DST: variants seen among roughly 807,000 people sequenced by gnomAD.
DST encodes dystonin, also known as bullous pemphigoid antigen.
In DST, 253 loss-of-function variants were observed where a neutral mutation model predicts 875.2. The observed-to-expected ratio is 0.29, with a 90% CI of 0.26 to 0.32. The LOEUF is 0.32. DST is among the 10% of genes least tolerant of loss of function. The pLI is 1.00. For synonymous variants in DST, 3,124 were observed against 3,197.1 expected, an observed-to-expected ratio of 0.98 and a Z score of 0.77; for missense variants, 8,287 against 9,111.6, an observed-to-expected ratio of 0.91 and a Z score of 3.68.
At chr6:56,793,684 T>C (rs1189164769) in intron 4 of DST, among the ~76,000 whole-genome samples, 1 of 152,216 alleles carries the variant, frequency 6.6e-6, no homozygotes, top group Non-Finnish European at 1.5e-5. Flanking sequence ...TGCATGAACA[T>C]GCAGTGAAGA....
At chr6:56,757,167 G>T (rs1189290005) in intron 4 of DST, among the ~76,000 whole-genome samples, 1 of 152,154 alleles carries the variant, frequency 6.6e-6, no homozygotes, top group Non-Finnish European at 1.5e-5. Context: ...GTGACAGATG[G>T]CCCTATTATG....
At chr6:56,796,191 TAAC>T (rs1261465969) in intron 4 of DST, among the ~76,000 whole-genome samples, 1 of 152,108 alleles carries the variant, frequency 6.6e-6, no homozygotes, top group African/African-American at 2.4e-5. Context: ...AAAATAACGT[TAAC>T]AACTGGGGGT....
intron 65 of DST, 27 bp downstream of exon 65, chr6:56,529,947 C>T: frequency 6.2e-7 from 1 of 1,608,314 alleles, no homozygotes; most frequent in Admixed American, 1.7e-5. Flanking sequence ...AAAACTGAAC[C>T]TCGCTAATGT....
At chr6:56,804,580 A>C (rs2099750996) in intron 4 of DST, among the ~76,000 whole-genome samples, 1 of 152,142 alleles carries the variant, frequency 6.6e-6, no homozygotes, top group South Asian at 2.1e-4. Context: ...GCAATAGTAC[A>C]TTTTTTAAGG....
chr6:56,518,210 A>G (rs370005869), intron 69 of DST, among the ~76,000 whole-genome samples: 1 of 152,184 alleles, frequency 6.6e-6, no homozygotes, highest in African/African-American at 2.4e-5. Context: ...GCATTCTTAA[A>G]TATTTTAATA....
chr6:56,928,857 C>T (rs987704349), intron 2 of DST, among the ~76,000 whole-genome samples: 1 of 151,526 alleles, frequency 6.6e-6, no homozygotes, highest in African/African-American at 2.4e-5. Flanking sequence ...TATACTTTTA[C>T]AAGAAATATG....
At chr6:56,631,770 C>G in intron 29 of DST, 113 bp downstream of exon 29, 1 of 954,384 alleles carries the variant, frequency 1.0e-6, no homozygotes, top group Non-Finnish European at 1.7e-6. Context: ...CCTCACCTCA[C>G]ACTAGACTGG....
intron 9 of DST, among the ~76,000 whole-genome samples, chr6:56,683,922 C>G (rs2099168667): frequency 6.6e-6 from 1 of 152,212 alleles, no homozygotes; most frequent in Non-Finnish European, 1.5e-5. Context: ...AAAAAAATTT[C>G]ATGAACTTTA....
chr6:56,526,257 G>T, intron 69 of DST, 104 bp downstream of exon 69: 3 of 1,207,076 alleles, frequency 2.5e-6, no homozygotes, highest in Non-Finnish European at 2.3e-6. Flanking sequence ...TGGAAGCACA[G>T]CAAATGAATG....
chr6:56,664,336 A>G lies in DST; in HGVS notation c.1214+6305T>C, dbSNP rs117388812. The stretch of plus-strand genomic sequence containing the variant: ...AGAGAAGCCAGACAAGTCAGAGGCT[A>G]AATTTCAAGCTGGAAGTCAGAGCTT... On this transcript the variant is annotated intron_variant, in intron 10 of 103. Coordinates refer to ENST00000680361, the MANE Select transcript of DST (RefSeq NM_001374736.1). Among the ~76,000 whole-genome samples, 35 of 152,346 alleles carry G rather than the reference A, an allele frequency of 2.3e-4. No individual in the cohort carries two copies. The East Asian group carries it at 6.6e-3, about 29-fold the overall frequency.
chr6:56,862,274 G>C (rs1771610415), intron 3 of DST, among the ~76,000 whole-genome samples: 1 of 152,088 alleles, frequency 6.6e-6, no homozygotes, highest in East Asian at 1.9e-4. Context: ...TTTTAAGGCT[G>C]CTTTGAATTA....
chr6:56,723,920 G>A (rs2099432400), intron 5 of DST, among the ~76,000 whole-genome samples: 1 of 152,170 alleles, frequency 6.6e-6, no homozygotes, highest in South Asian at 2.1e-4. Flanking sequence ...CCCCAACCCA[G>A]GGTATCCCAC....
intron 22 of DST, 29 bp downstream of exon 22, chr6:56,639,230 A>G (rs2098858755): frequency 6.5e-7 from 1 of 1,542,130 alleles, no homozygotes; most frequent in Non-Finnish European, 9.0e-7. Flanking sequence ...TCAATATTCA[A>G]CCAACACCAT....
chr6:56,805,212 A>G (rs1279559251), intron 4 of DST, among the ~76,000 whole-genome samples: 1 of 152,192 alleles, frequency 6.6e-6, no homozygotes. Flanking sequence ...GAGGCAGCCA[A>G]GAGTTTTGAT....
At chr6:56,581,317 T>C (rs1328773257) in intron 49 of DST, among the ~76,000 whole-genome samples, 2 of 151,158 alleles carry the variant, frequency 1.3e-5, no homozygotes, top group African/African-American at 4.9e-5. Flanking sequence ...TATATATAAG[T>C]GATGGGGAGA....
At chr6:56,764,167 T>C (rs1414390504) in intron 4 of DST, among the ~76,000 whole-genome samples, 2 of 151,010 alleles carry the variant, frequency 1.3e-5, no homozygotes, top group African/African-American at 4.9e-5. Flanking sequence ...TCAACCCTGG[T>C]CTGACCACTT....
chr6:56,866,596 CT>C (rs1295476358), intron 3 of DST, among the ~76,000 whole-genome samples: 6 of 152,240 alleles, frequency 3.9e-5, no homozygotes, highest in Admixed American at 3.9e-4. Flanking sequence ...AGTTCTTCCC[CT>C]AAAAGCCTTA....
At chr6:56,644,164 T>C (rs895076882) in intron 15 of DST, among the ~76,000 whole-genome samples, 2 of 152,324 alleles carry the variant, frequency 1.3e-5, no homozygotes, top group East Asian at 1.9e-4. Flanking sequence ...AAAAATCTAC[T>C]CTGTATCCTC....
chr6:56,605,887 T>G lies in DST; in HGVS notation c.8741A>C (p.Glu2914Ala), dbSNP rs773776859. 31 of 1,612,608 alleles carry G rather than the reference T, an allele frequency of 1.9e-5. No individual in the cohort carries two copies. The highest frequency in any genetic ancestry group is 3.4e-6 in the Non-Finnish European group (4 of 1,179,304). Residue 2914 changes from glutamate (E) to alanine (A), a missense_variant, in exon 40 of 104, where the codon GAG (glutamate) becomes GCG (alanine). This residue lies in a region of DST where 3,138 missense variants were observed against 3,116.6 expected (regional missense o/e 1.01). Coordinates refer to ENST00000680361, the MANE Select transcript of DST (RefSeq NM_001374736.1). ...CGGCAATACATCCTTAAGTACCATC[T>G]CATGGTTCAACAGATTTTCTTTGCT... is the stretch of plus-strand genomic sequence containing the variant. ...GKSKENLLNH[E>A]MVLKDVLPPI...
Sources: gnomAD v4.1 joint callset for allele counts (sites outside exome capture counted in the v4.1 genomes callset) on GRCh38, gnomAD v4.1.1 for gene constraint, gnomAD v4.1.1 regional missense constraint, MANE v1.5 for transcripts, NCBI Gene and HGNC (gene_info 2026-07-23, HGNC 2026-07-21) for gene names.